Variants in CAMTA1 observed in about 807,000 individuals in gnomAD.
CAMTA1 encodes the protein calmodulin binding transcription activator 1, also known as calmodulin-binding transcription activator 1.
A neutral mutation model predicts 170.9 loss-of-function variants in CAMTA1; 27 were observed. That is an observed-to-expected ratio of 0.16 (90% CI 0.12 to 0.22). CAMTA1 has a LOEUF of 0.22. Among genes scored for constraint, CAMTA1 ranks in the 10% least tolerant of loss-of-function variants. The pLI is 1.00. For synonymous variants in CAMTA1, 833 were observed against 891.5 expected, an observed-to-expected ratio of 0.93 and a Z score of 1.17; for missense variants, 1,619 against 2,217.2, an observed-to-expected ratio of 0.73 and a Z score of 5.42.
chr1:7,456,831 A>G lies in CAMTA1; in HGVS notation c.439-10999A>G, dbSNP rs1479299108. 6.6e-6 allele frequency among the ~76,000 whole-genome samples: 1 copy of G among 152,234 alleles called. No individual in the cohort carries two copies. Among genetic ancestry groups the G allele is most frequent in the Non-Finnish European group, 1.5e-5 (1 of 68,036 alleles). On this transcript the variant is annotated intron_variant, in intron 5 of 22. Coordinates refer to ENST00000303635, the MANE Select transcript of CAMTA1 (RefSeq NM_015215.4). This position sits in a 1 kb window ranked among gnomAD's most constrained non-coding sequence, Gnocchi z 4.9. ...GCTGAACGTCCTCAGAGGGTGGGAA[A>G]ACAGGCAGGTGAGAGTGGCCAGGTT...
At chr1:6,820,842 T>C (rs1057164303) in intron 2 of CAMTA1, among the ~76,000 whole-genome samples, 1 of 152,152 alleles carries the variant, frequency 6.6e-6, no homozygotes. Flanking sequence ...GTACCTCCAG[T>C]TGGAATTGAA....
rs539472217 is a variant in CAMTA1, at chr1:7,596,101, A to G, written c.511-44299A>G. 7.9e-5 allele frequency among the ~76,000 whole-genome samples: 12 copies of G among 152,292 alleles called. No homozygotes were observed. The South Asian group carries it at 2.3e-3, about 29-fold the overall frequency. On this transcript the variant is annotated intron_variant, in intron 6 of 22. Coordinates refer to ENST00000303635, the MANE Select transcript of CAMTA1 (RefSeq NM_015215.4). ...CTTGAAGATGGGTGGAAAGTCAGGG[A>G]GGGGCCGCTGCAATAAGTGACAAGG... is the stretch of plus-strand genomic sequence containing the variant.
At chr1:7,450,256 A>T (rs1001933648) in intron 5 of CAMTA1, among the ~76,000 whole-genome samples, 1 of 152,204 alleles carries the variant, frequency 6.6e-6, no homozygotes, top group African/African-American at 2.4e-5. Flanking sequence ...AAGGACCAAA[A>T]GTGAGGATGG....
At chr1:7,290,588 G>A (rs113485635) in intron 5 of CAMTA1, among the ~76,000 whole-genome samples, 51 of 152,176 alleles carry the variant, frequency 3.4e-4, no homozygotes, top group African/African-American at 1.0e-3. Context: ...CCCCATGCAC[G>A]TATTGCTTTT....
chr1:7,431,771 G>A (rs1336880631), intron 5 of CAMTA1, among the ~76,000 whole-genome samples: 2 of 152,138 alleles, frequency 1.3e-5, no homozygotes, highest in Admixed American at 6.5e-5. Context: ...CCTTCAAACT[G>A]CCTCTTCCCT....
intron 15 of CAMTA1, 141 bp downstream of exon 15, chr1:7,737,711 C>A: frequency 1.1e-6 from 1 of 885,134 alleles, no homozygotes; most frequent in African/African-American, 1.7e-5. Context: ...TTTAAGAATG[C>A]CTAGTGCTGC....
rs549681924 is a variant in CAMTA1 at position 7,041,323 on chromosome 1, G to T, written c.235-49981G>T. On this transcript the variant is annotated intron_variant, in intron 3 of 22. Coordinates refer to ENST00000303635, the MANE Select transcript of CAMTA1 (RefSeq NM_015215.4). The surrounding 1 kb of genome is among the most constrained non-coding windows in gnomAD (Gnocchi z 5.1). Reference sequence around the variant, plus strand: ...GACCTGCGAGGCCTGGGCTGTGGCTGCTGTGGCTTTGCCAGCATCTATTGT... The same window carrying T: ...GACCTGCGAGGCCTGGGCTGTGGCTTCTGTGGCTTTGCCAGCATCTATTGT... Among the ~76,000 whole-genome samples the T allele has an allele frequency of 2.0e-5, 3 of 152,250 alleles. No individual in the cohort carries two copies. Among genetic ancestry groups the T allele is most frequent in the Admixed American group, 6.5e-5 (1 of 15,294 alleles).
chr1:6,881,973 AT>A (rs1403733499), intron 3 of CAMTA1, among the ~76,000 whole-genome samples: 1 of 152,206 alleles, frequency 6.6e-6, no homozygotes, highest in Non-Finnish European at 1.5e-5. Context: ...TCTCAAAAAA[AT>A]AAAAGTAAAA....
intron 5 of CAMTA1, among the ~76,000 whole-genome samples, chr1:7,349,257 C>G (rs2149870436): frequency 6.6e-6 from 1 of 152,302 alleles, no homozygotes; most frequent in East Asian, 1.9e-4. Context: ...CCAGCATCAG[C>G]AAAACAGAGA....
At chr1:6,930,230 G>A (rs374076065) in intron 3 of CAMTA1, among the ~76,000 whole-genome samples, 2 of 152,062 alleles carry the variant, frequency 1.3e-5, no homozygotes, top group Non-Finnish European at 2.9e-5. Flanking sequence ...AATCACTGTC[G>A]ACTCGCCTGC....
intron 6 of CAMTA1, among the ~76,000 whole-genome samples, chr1:7,579,552 CTTTTTTTTTTTTTT>C (rs3034816): frequency 1.3e-5 from 1 of 79,194 alleles, no homozygotes; most frequent in Non-Finnish European, 2.3e-5. Context: ...CTTTTCTTTT[CTTTTTTTTTTTTTT>C]TTTTTTTTTT....
intron 6 of CAMTA1, among the ~76,000 whole-genome samples, chr1:7,493,917 T>G (rs920914393): frequency 6.6e-6 from 1 of 152,144 alleles, no homozygotes; most frequent in Non-Finnish European, 1.5e-5. Flanking sequence ...CATGGGGCCA[T>G]GTGGCTTCAC....
At chr1:7,416,155 G>C (rs2091156659) in intron 5 of CAMTA1, among the ~76,000 whole-genome samples, 2 of 152,160 alleles carry the variant, frequency 1.3e-5, no homozygotes, top group African/African-American at 4.8e-5. Flanking sequence ...GCTTCCCTTT[G>C]TGGGTAACCC....
At chr1:7,649,525 T>C (rs990300249) in intron 7 of CAMTA1, among the ~76,000 whole-genome samples, 8 of 152,294 alleles carry the variant, frequency 5.3e-5, no homozygotes, top group Admixed American at 2.0e-4. Context: ...CAACCTGGCA[T>C]GGAGGACAGC....
rs559846149 is a variant in CAMTA1, at chr1:7,667,556, G to A, written c.2652+2357G>A. On this transcript the variant is annotated intron_variant, in intron 9 of 22. Transcript: ENST00000303635. ...GTCTTGCAGAAGCCAGGAGGTGGGA[G>A]GAGGGTCCCCTCTTTTCCCGAGGTC... Among the ~76,000 whole-genome samples the A allele has an allele frequency of 1.8e-4, 28 of 152,296 alleles. 1 individual carries two copies. The South Asian group carries it at 5.4e-3, about 29-fold the overall frequency.
At chr1:6,791,637 C>T (rs868404320) in intron 1 of CAMTA1, among the ~76,000 whole-genome samples, 37 of 152,212 alleles carry the variant, frequency 2.4e-4, no homozygotes, top group African/African-American at 8.7e-4. Flanking sequence ...TATAGTACTG[C>T]CTTTAGTTTT....
chr1:7,598,297 G>A (rs2095416000), intron 6 of CAMTA1, among the ~76,000 whole-genome samples: 1 of 152,272 alleles, frequency 6.6e-6, no homozygotes, highest in East Asian at 1.9e-4. Context: ...AGTATTCCAT[G>A]GTGTATATGT....
chr1:7,630,231 C>T (rs769352104), intron 6 of CAMTA1, among the ~76,000 whole-genome samples: 15 of 152,192 alleles, frequency 9.9e-5, no homozygotes, highest in Non-Finnish European at 2.1e-4. Flanking sequence ...GGGACTGTTT[C>T]AGAGGCCTCT....
intron 3 of CAMTA1, among the ~76,000 whole-genome samples, chr1:6,836,164 T>A (rs1653014181): frequency 6.6e-6 from 1 of 152,180 alleles, no homozygotes; most frequent in Admixed American, 6.5e-5. Context: ...TCTTGGTAAT[T>A]ATGAAGTTAT....
Sources: gnomAD v4.1 joint callset for allele counts (sites outside exome capture counted in the v4.1 genomes callset) on GRCh38, gnomAD v4.1.1 for gene constraint, Gnocchi (gnomAD v3.1) non-coding constraint, MANE v1.5 for transcripts, NCBI Gene and HGNC (gene_info 2026-07-23, HGNC 2026-07-21) for gene names.